The following STRA6 variants were observed in gnomAD, a reference collection of about 807,000 sequenced individuals.
STRA6 encodes the protein receptor for retinol uptake STRA6.
In STRA6, 48 loss-of-function variants were observed where a neutral mutation model predicts 83.6. That is an observed-to-expected ratio of 0.57 (90% CI 0.46 to 0.73). STRA6 has a LOEUF of 0.73. Ranked by LOEUF, STRA6 falls within the 30% of genes least tolerant of loss-of-function variation. The pLI, the probability that STRA6 is intolerant of heterozygous loss-of-function variation, is 0.00. For missense variants in STRA6, 760 were observed against 838.8 expected (o/e 0.91, Z 1.16); for synonymous variants, 353 against 362.3 (o/e 0.97, Z 0.29).
chr15:74,187,149 G>A (rs1342550889), intron 12 of STRA6, among the ~76,000 whole-genome samples: 1 of 152,248 alleles, frequency 6.6e-6, no homozygotes, highest in African/African-American at 2.4e-5. Flanking sequence ...CCTGGTGAGT[G>A]TACAGGCTAA....
At chr15:74,192,629 C>T (rs939505728) in intron 8 of STRA6, among the ~76,000 whole-genome samples, 1 of 152,188 alleles carries the variant, frequency 6.6e-6, no homozygotes. Context: ...CCTCCCTCCA[C>T]CTTCCCTGGG....
chr15:74,210,982 A>T (rs79817318), upstream of STRA6, among the ~76,000 whole-genome samples: 7,940 of 152,262 alleles, frequency 0.052, 259 homozygotes, highest in East Asian at 0.16. Flanking sequence ...GCAAAGACAG[A>T]GCCTTAGCTA....
chr15:74,208,728 C>T, intron 1 of STRA6: 1 of 988,110 alleles, frequency 1.0e-6, no homozygotes, highest in Non-Finnish European at 1.2e-6. Context: ...CACCGCACAC[C>T]CCATGTGCCT....
Position 74,182,346 on chromosome 15 carries a change from G to C in STRA6, c.1415C>G (p.Ser472Trp). The C allele has an allele frequency of 6.2e-7, 1 of 1,614,114 alleles. No individual in the cohort carries two copies. Among genetic ancestry groups the C allele is most frequent in the Non-Finnish European group, 8.5e-7 (1 of 1,179,990 alleles). Residue 472 changes from serine (S) to tryptophan (W), a missense_variant, in exon 15 of 19, where the codon TCG (serine) becomes TGG (tryptophan). Coordinates refer to ENST00000395105, the MANE Select transcript of STRA6 (RefSeq NM_022369.4). ...NLLLFRSLES[S>W]WPFWLTLALA... Reference sequence around the variant, plus strand: ...CTCCATGTCTTGTTTCACTCACCACGAGGACTCCAGGGAACGGAAGAGCAG... The same window carrying C: ...CTCCATGTCTTGTTTCACTCACCACCAGGACTCCAGGGAACGGAAGAGCAG...
At chr15:74,196,964 G>C (rs184387981) in intron 4 of STRA6, among the ~76,000 whole-genome samples, 1 of 152,322 alleles carries the variant, frequency 6.6e-6, no homozygotes, top group East Asian at 1.9e-4. Flanking sequence ...CTGCCTTCAA[G>C]CATTAGGGTC....
At position 74,202,195 on chromosome 15, in the gene STRA6, T is replaced by G. The variant is rs767835610; in HGVS notation, c.73A>C (p.Ile25Leu). The change falls in exon 2 of 19, where the codon ATC (isoleucine) becomes CTC (leucine). Residue 25 changes from isoleucine (I) to leucine (L), a missense_variant. By Grantham distance (5) the Ile-to-Leu change is conservative (BLOSUM62 2). Transcript: ENST00000395105. ...TCCTCGCCCCCCTGGGGCTCATCGA[T>G]GTACCAGCTGCCATAGGAGTAGTCC... ...TEDYSYGSWY[I>L]DEPQGGEELQ... 2 of 1,518,974 alleles carry G rather than the reference T, an allele frequency of 1.3e-6. No individual in the cohort carries two copies. The highest frequency in any genetic ancestry group is 1.4e-5 in the African/African-American group (1 of 71,630). 94.1% of individuals were successfully genotyped at this position (1,518,974 alleles called of 1,614,324 possible). A position where few individuals can be genotyped will look rare whatever the true frequency, so the allele number is the denominator to read the frequency against.
intron 2 of STRA6, among the ~76,000 whole-genome samples, chr15:74,200,311 G>A (rs1470927289): frequency 1.3e-5 from 2 of 152,246 alleles, no homozygotes; most frequent in African/African-American, 4.8e-5. Flanking sequence ...TGAGGAAGCA[G>A]AGAGGCAGGC....
chr15:74,182,273 G>A lies in STRA6; in HGVS notation c.1419-11C>T, dbSNP rs199508878. 150 of 1,614,078 alleles carry A rather than the reference G, an allele frequency of 9.3e-5. 1 individual carries two copies. In the African/African-American group the frequency reaches 1.7e-3, roughly 18 times the overall value. ...GTCAGCCAGAAGGGCCTGCCAGTGG[G>A]GTGGGGAGGTGGTCGCTGTTAGCGG... is the stretch of plus-strand genomic sequence containing the variant. On this transcript the variant is annotated splice_polypyrimidine_tract_variant and intron_variant, in intron 15 of 18. Transcript: ENST00000395105.
upstream of STRA6, chr15:74,207,714 C>T (rs2074292508): frequency 6.5e-7 from 1 of 1,535,734 alleles, no homozygotes; most frequent in East Asian, 2.4e-5. Context: ...GCCCAGTCCC[C>T]TTGAGAGTCC....
chr15:74,194,040 G>A, intron 7 of STRA6, 118 bp from the exon 8 acceptor site: 1 of 1,507,580 alleles, frequency 6.6e-7, no homozygotes, highest in South Asian at 1.1e-5. Flanking sequence ...GGGGCCATGG[G>A]AAGGCTTCAG....
intron 2 of STRA6, among the ~76,000 whole-genome samples, chr15:74,199,192 A>G (rs1277169079): frequency 6.6e-6 from 1 of 152,216 alleles, no homozygotes; most frequent in African/African-American, 2.4e-5. Flanking sequence ...AGAGGCATCA[A>G]GGCTGCATTA....
intron 2 of STRA6, among the ~76,000 whole-genome samples, chr15:74,201,378 G>C (rs2074054684): frequency 6.6e-6 from 1 of 152,180 alleles, no homozygotes; most frequent in Non-Finnish European, 1.5e-5. Flanking sequence ...CCAGGCCTGG[G>C]AACAACAGGG....
chr15:74,206,225 C>T (rs1005099704), upstream of STRA6, among the ~76,000 whole-genome samples: 2 of 152,298 alleles, frequency 1.3e-5, no homozygotes, highest in Admixed American at 1.3e-4. Flanking sequence ...CCTCCTGGCC[C>T]CCAGCTGCCC....
chr15:74,180,737 A>C, intron 18 of STRA6, 45 bp downstream of exon 18: 1 of 1,569,062 alleles, frequency 6.4e-7, no homozygotes, highest in Non-Finnish European at 8.7e-7. Context: ...TTCCTAGAAG[A>C]AGCTGGGTAG....
chr15:74,194,348 C>A (rs963746945), intron 7 of STRA6: 1 of 1,076,246 alleles, frequency 9.3e-7, no homozygotes, highest in Non-Finnish European at 1.1e-6. Flanking sequence ...AGGGCTGAGG[C>A]CTTCCTGGGG....
chr15:74,190,835 C>T lies in STRA6; in HGVS notation c.927+5G>A. ...GCAGATGGCAGTACAGGGTGAGGGA[C>T]ATACCTGGTAAATGGCCGTCCCTGT... On this transcript the variant is annotated splice_donor_5th_base_variant and intron_variant, in intron 11 of 18. Transcript: ENST00000395105. 6.2e-7 allele frequency: 1 copy of T among 1,614,092 alleles called. No homozygotes were observed. Among genetic ancestry groups the T allele is most frequent in the Non-Finnish European group, 8.5e-7 (1 of 1,180,022 alleles).
chr15:74,186,928 T>A (rs1956734677), intron 12 of STRA6, among the ~76,000 whole-genome samples: 1 of 152,210 alleles, frequency 6.6e-6, no homozygotes, highest in South Asian at 2.1e-4. Flanking sequence ...AAAATGATGC[T>A]ACAGAAACCT....
At chr15:74,187,994 T>C (rs540772186) in intron 12 of STRA6, among the ~76,000 whole-genome samples, 1 of 152,166 alleles carries the variant, frequency 6.6e-6, no homozygotes, top group Non-Finnish European at 1.5e-5. Flanking sequence ...ATGAACCAGA[T>C]TGCAACCAGC....
chr15:74,202,705 A>G lies in STRA6; in HGVS notation c.-16+8T>C. 7.6e-7 allele frequency: 1 copy of G among 1,313,094 alleles called. No individual in the cohort carries two copies. The allele number at this position is 1,313,094 out of a possible 1,614,324, so 81.3% of individuals were successfully genotyped here. A position where few individuals can be genotyped will look rare whatever the true frequency, so the allele number is the denominator to read the frequency against. ...CCCAAGCCCACCTAGACAGACCCAC[A>G]GACACACCAGAAGGGAGGCCCAGGG... is the stretch of plus-strand genomic sequence containing the variant. On this transcript the variant is annotated splice_region_variant and intron_variant, in intron 1 of 18. Coordinates refer to ENST00000395105, the MANE Select transcript of STRA6 (RefSeq NM_022369.4).
Sources: gnomAD v4.1 joint callset for allele counts (sites outside exome capture counted in the v4.1 genomes callset) on GRCh38, gnomAD v4.1.1 for gene constraint, MANE v1.5 for transcripts, NCBI Gene and HGNC (gene_info 2026-07-23, HGNC 2026-07-21) for gene names.